Variants in FBXO42 observed in about 807,000 individuals in gnomAD.
FBXO42 encodes the protein F-box protein 42, also known as F-box only protein 42.
FBXO42 carries 12 observed loss-of-function variants against 71.7 expected under a neutral mutation model. The ratio of observed to expected loss-of-function variants is 0.17; its 90% CI spans 0.11 to 0.27. The LOEUF (loss-of-function observed/expected upper bound fraction) is 0.27, where lower values mean the gene tolerates loss of function less well. FBXO42 is among the 10% of genes least tolerant of loss of function. The pLI, the probability that FBXO42 is intolerant of heterozygous loss-of-function variation, is 1.00. For synonymous variants in FBXO42, 325 were observed against 327.5 expected (o/e 0.99, Z 0.08); for missense variants, 707 against 911.9 (o/e 0.78, Z 2.89).
chr1:16,255,650 A>G, intron 6 of FBXO42, 61 bp downstream of exon 6: 1 of 1,416,812 alleles, frequency 7.1e-7, no homozygotes. Flanking sequence ...TCACTTTTAA[A>G]CCTGTTATTC....
chr1:16,309,222 C>T (rs188344896), intron 2 of FBXO42, among the ~76,000 whole-genome samples: 4 of 151,662 alleles, frequency 2.6e-5, no homozygotes, highest in Non-Finnish European at 4.4e-5. Context: ...CACGCGCCAC[C>T]ATACCCAGCT....
At chr1:16,341,609 T>A (rs796365248) in intron 1 of FBXO42, among the ~76,000 whole-genome samples, 2 of 113,280 alleles carry the variant, frequency 1.8e-5, no homozygotes, top group African/African-American at 7.1e-5. Context: ...CTGCGTCTTT[T>A]AAAAAAAAAA....
chr1:16,264,364 T>C (rs1276269544), intron 4 of FBXO42, among the ~76,000 whole-genome samples: 1 of 152,218 alleles, frequency 6.6e-6, no homozygotes, highest in African/African-American at 2.4e-5. Context: ...TGGTGACATA[T>C]GATGAAATAA....
chr1:16,257,968 A>C (rs759620917), intron 4 of FBXO42, among the ~76,000 whole-genome samples: 6 of 151,816 alleles, frequency 4.0e-5, no homozygotes, highest in Non-Finnish European at 7.4e-5. Context: ...GGCGTGAGCC[A>C]CCATGCCTCG....
chr1:16,315,218 T>C lies in FBXO42; in HGVS notation c.201A>G (p.Glu67=), dbSNP rs1373166267. Residue 67 remains glutamate (E), a synonymous_variant, in exon 2 of 10, where the codon GAA becomes GAG. Transcript: ENST00000375592. The part of the protein sequence containing the change: ...YILSFLSPYQ[E]HKTAALVCKQ... ...TGCAGACAAGGGCCGCAGTTTTGTGTTCCTGATACGGTGAGAGAAAGGACA... is the reference window on the plus strand; with the variant it reads ...TGCAGACAAGGGCCGCAGTTTTGTGCTCCTGATACGGTGAGAGAAAGGACA... The C allele has an allele frequency of 1.9e-6, 3 of 1,614,182 alleles. No homozygotes were observed. In the South Asian group the frequency reaches 3.3e-5, roughly 18 times the overall value.
At chr1:16,285,752 T>A (rs1369885041) in intron 4 of FBXO42, among the ~76,000 whole-genome samples, 2 of 152,200 alleles carry the variant, frequency 1.3e-5, no homozygotes, top group African/African-American at 4.8e-5. Context: ...ATATGCTGGC[T>A]TCCCAGATGC....
At chr1:16,275,963 AAAAT>A (rs2081897729) in intron 4 of FBXO42, among the ~76,000 whole-genome samples, 2 of 152,214 alleles carry the variant, frequency 1.3e-5, no homozygotes, top group South Asian at 4.1e-4. Context: ...ACCCCGTCTC[AAAAT>A]AAATAAACAA....
At chr1:16,266,330 T>C (rs80132722) in intron 4 of FBXO42, among the ~76,000 whole-genome samples, 4,880 of 151,156 alleles carry the variant, frequency 0.032, 253 homozygotes, top group African/African-American at 0.11. Flanking sequence ...TAAAATAAGT[T>C]TGCTAACAGC....
chr1:16,264,093 G>C (rs1483321572), intron 4 of FBXO42, among the ~76,000 whole-genome samples: 1 of 152,140 alleles, frequency 6.6e-6, no homozygotes, highest in Non-Finnish European at 1.5e-5. Flanking sequence ...TTACAGGCAT[G>C]AGCCACCATG....
Position 16,295,920 on chromosome 1 carries a change from C to G in FBXO42, c.368-1003G>C, listed in dbSNP as rs965206503. The stretch of plus-strand genomic sequence containing the variant: ...TGTATCCAAGAGCTACCAAGGCATG[C>G]TGGTTGGAGCCGACTAGAAAACAGA... On this transcript the variant is annotated intron_variant, in intron 3 of 9. Transcript: ENST00000375592. 4.4e-4 allele frequency among the ~76,000 whole-genome samples: 67 copies of G among 152,218 alleles called. 1 individual carries two copies. Among genetic ancestry groups the G allele is most frequent in the Admixed American group, 3.7e-3 (57 of 15,278 alleles).
At chr1:16,266,840 T>C (rs936060070) in intron 4 of FBXO42, among the ~76,000 whole-genome samples, 4 of 152,184 alleles carry the variant, frequency 2.6e-5, no homozygotes, top group African/African-American at 9.7e-5. Flanking sequence ...CATATTACCA[T>C]CATAATCAGA....
At chr1:16,281,668 T>A (rs1309620097) in intron 4 of FBXO42, among the ~76,000 whole-genome samples, 1 of 150,886 alleles carries the variant, frequency 6.6e-6, no homozygotes, top group South Asian at 2.1e-4. Flanking sequence ...TTCTTTCTTT[T>A]TTTTTTTTGA....
At position 16,336,772 on chromosome 1, in the gene FBXO42, T is replaced by C. The variant is rs552607526; in HGVS notation, c.-18+15483A>G. 9.2e-4 allele frequency among the ~76,000 whole-genome samples: 137 copies of C among 148,934 alleles called. 1 individual carries two copies. The highest frequency in any genetic ancestry group is 1.6e-3 in the Non-Finnish European group (110 of 67,302). On this transcript the variant is annotated intron_variant, in intron 1 of 9. Transcript: ENST00000375592. ...GCTAAGGCAGGTGAATCACCTAAGG[T>C]CAGGAGTTCAAGACCAGCCTGGCAA...
At chr1:16,278,357 CA>C (rs796617095) in intron 4 of FBXO42, among the ~76,000 whole-genome samples, 11,182 of 135,394 alleles carry the variant, frequency 0.083, 1,325 homozygotes, top group African/African-American at 0.27. Flanking sequence ...AACTCCATCT[CA>C]AAAAAAAAAA....
chr1:16,294,627 A>T, intron 4 of FBXO42, 156 bp downstream of exon 4: 2 of 715,994 alleles, frequency 2.8e-6, no homozygotes, highest in Non-Finnish European at 4.5e-6. Flanking sequence ...GACTTACACA[A>T]GCATATTACT....
chr1:16,280,699 C>A lies in FBXO42; in HGVS notation c.502+14084G>T, dbSNP rs536229631. On this transcript the variant is annotated intron_variant, in intron 4 of 9. Coordinates refer to ENST00000375592, the MANE Select transcript of FBXO42 (RefSeq NM_018994.3). ...CTGAGGAAAGAGGATCACCTGAACC[C>A]CGGAGGTCAAGGCTGCAGTGAGCCA... Among the ~76,000 whole-genome samples, 4 of 152,094 alleles carry A rather than the reference C, an allele frequency of 2.6e-5. No individual in the cohort carries two copies. In the South Asian group the frequency reaches 8.3e-4, roughly 32 times the overall value.
intron 4 of FBXO42, among the ~76,000 whole-genome samples, chr1:16,282,262 G>A (rs182245049): frequency 7.0e-6 from 1 of 142,284 alleles, no homozygotes; most frequent in Admixed American, 7.3e-5. Flanking sequence ...GTCTCACTCT[G>A]TCCCCCAGGC....
intron 1 of FBXO42, among the ~76,000 whole-genome samples, chr1:16,316,258 T>A (rs1376650324): frequency 2.0e-5 from 3 of 152,102 alleles, no homozygotes; most frequent in Non-Finnish European, 4.4e-5. Flanking sequence ...TTTTTCCTGT[T>A]TGCCCGGAGA....
intron 3 of FBXO42, 40 bp from the exon 4 acceptor site, chr1:16,294,957 G>A (rs1293030271): frequency 2.6e-6 from 4 of 1,549,962 alleles, no homozygotes; most frequent in Non-Finnish European, 3.5e-6. Flanking sequence ...TGAAAATTCT[G>A]AGGCCCTTCC....
Sources: allele counts gnomAD v4.1 joint callset (sites outside exome capture counted in the v4.1 genomes callset), GRCh38; gene constraint gnomAD v4.1.1; transcripts MANE v1.5; gene names NCBI Gene and HGNC (gene_info 2026-07-23, HGNC 2026-07-21).